The following DPP10 variants were observed in gnomAD, a reference collection of about 807,000 sequenced individuals.
The protein encoded by DPP10 is dipeptidyl peptidase like 10, also known as inactive dipeptidyl peptidase 10.
Under a neutral mutation model 120.9 loss-of-function variants are expected in DPP10, and 33 were observed. The ratio of observed to expected loss-of-function variants is 0.27; its 90% CI spans 0.21 to 0.37. The LOEUF (loss-of-function observed/expected upper bound fraction) is 0.37. Ranked by LOEUF, DPP10 falls within the 10% of genes least tolerant of loss-of-function variation. The probability of loss-of-function intolerance (pLI) is 1.00; values close to 1 mark genes in which losing one functional copy is unlikely to be tolerated. For synonymous variants in DPP10, 337 were observed against 326.1 expected (o/e 1.03, Z -0.36); for missense variants, 816 against 942.8 (o/e 0.87, Z 1.76).
chr2:115,690,677 G>A (rs991351184), intron 7 of DPP10, among the ~76,000 whole-genome samples: 1 of 152,084 alleles, frequency 6.6e-6, no homozygotes, highest in Non-Finnish European at 1.5e-5. Context: ...CCTACCCAAA[G>A]TGATGGGATT....
intron 1 of DPP10, among the ~76,000 whole-genome samples, chr2:114,809,774 G>T (rs1685030588): frequency 1.3e-5 from 2 of 152,090 alleles, no homozygotes; most frequent in South Asian, 4.1e-4. Context: ...TCTATTCAAT[G>T]GATCTGCAGC....
At chr2:115,035,457 C>G (rs1255836568) in intron 1 of DPP10, among the ~76,000 whole-genome samples, 1 of 152,138 alleles carries the variant, frequency 6.6e-6, no homozygotes, top group East Asian at 1.9e-4. Context: ...TCCAACGTAT[C>G]TTGAAGGAGG....
chr2:115,254,907 C>G (rs1311496277), intron 1 of DPP10, among the ~76,000 whole-genome samples: 2 of 152,192 alleles, frequency 1.3e-5, no homozygotes, highest in South Asian at 4.1e-4. Flanking sequence ...CGGCTGCTTT[C>G]ATGGGCTGGC....
intron 1 of DPP10, among the ~76,000 whole-genome samples, chr2:114,571,410 G>T (rs1689635036): frequency 6.6e-6 from 1 of 152,126 alleles, no homozygotes; most frequent in Non-Finnish European, 1.5e-5. Context: ...CCAAGCAGAT[G>T]CTGTCATGCT....
At position 115,323,426 on chromosome 2, in the gene DPP10, A is replaced by C. The variant is rs568837209; in HGVS notation, c.175+14073A>C. ...CCTGCACTGAAGTCTTGAACCTCTCAAAGTTATCAGTACTGATTGGAATCA... is the reference window on the plus strand; with the variant it reads ...CCTGCACTGAAGTCTTGAACCTCTCCAAGTTATCAGTACTGATTGGAATCA... On this transcript the variant is annotated intron_variant, in intron 2 of 25. Transcript: ENST00000410059. Among the ~76,000 whole-genome samples, 4 of 152,314 alleles carry C rather than the reference A, an allele frequency of 2.6e-5. No homozygotes were observed. The East Asian group carries it at 5.8e-4, about 22-fold the overall frequency.
chr2:115,623,961 A>T (rs1374359956), intron 5 of DPP10, among the ~76,000 whole-genome samples: 1 of 150,102 alleles, frequency 6.7e-6, no homozygotes, highest in Middle Eastern at 3.2e-3. Context: ...TCATTTACTC[A>T]ACATCTTTCT....
At chr2:115,338,914 A>C (rs2063303662) in intron 2 of DPP10, among the ~76,000 whole-genome samples, 1 of 152,202 alleles carries the variant, frequency 6.6e-6, no homozygotes, top group African/African-American at 2.4e-5. Flanking sequence ...TAGACTTGAC[A>C]GCAAAAGCAC....
At chr2:114,548,568 C>G (rs981379800) in intron 1 of DPP10, among the ~76,000 whole-genome samples, 1 of 152,152 alleles carries the variant, frequency 6.6e-6, no homozygotes, top group Non-Finnish European at 1.5e-5. Context: ...CTTTTATGAG[C>G]GAGTCTTTTC....
At chr2:115,706,534 A>C (rs1391938425) in intron 7 of DPP10, among the ~76,000 whole-genome samples, 1 of 151,978 alleles carries the variant, frequency 6.6e-6, no homozygotes, top group East Asian at 1.9e-4. Context: ...AAACTATTTG[A>C]ATGAAAGAGC....
Position 115,290,595 on chromosome 2 carries a change from T to G in DPP10, c.61-18644T>G, listed in dbSNP as rs1270886824. Among the ~76,000 whole-genome samples, 5 of 152,166 alleles carry G rather than the reference T, an allele frequency of 3.3e-5. No homozygotes were observed. In the East Asian group the frequency reaches 7.7e-4, roughly 24 times the overall value. On this transcript the variant is annotated intron_variant, in intron 1 of 25. Coordinates refer to ENST00000410059, the MANE Select transcript of DPP10 (RefSeq NM_020868.6). ...AGGTGAGAAAATTCTTAATGCCTATTCAGGTAATACTAGCTGAAAAATTGA... is the reference window on the plus strand; with the variant it reads ...AGGTGAGAAAATTCTTAATGCCTATGCAGGTAATACTAGCTGAAAAATTGA...
chr2:114,484,031 A>G (rs1681289547), intron 1 of DPP10, among the ~76,000 whole-genome samples: 1 of 152,072 alleles, frequency 6.6e-6, no homozygotes. Context: ...TCACTCTGAG[A>G]CTGGACCTTA....
intron 3 of DPP10, among the ~76,000 whole-genome samples, chr2:115,472,675 T>C (rs2074808645): frequency 6.6e-6 from 1 of 152,194 alleles, no homozygotes; most frequent in African/African-American, 2.4e-5. Context: ...CCCATTCTAC[T>C]GTGTGCATCT....
intron 1 of DPP10, among the ~76,000 whole-genome samples, chr2:114,755,085 A>G (rs1374676958): frequency 6.6e-6 from 1 of 152,238 alleles, no homozygotes; most frequent in East Asian, 1.9e-4. Context: ...TCTTATGACT[A>G]ATAGCTAGTT....
chr2:115,187,431 T>A (rs2054545491), intron 1 of DPP10, among the ~76,000 whole-genome samples: 1 of 152,184 alleles, frequency 6.6e-6, no homozygotes, highest in Admixed American at 6.5e-5. Context: ...TTTATGGACA[T>A]TTTTCATACA....
chr2:115,746,306 T>C (rs1677965245), intron 10 of DPP10, 123 bp downstream of exon 10: 1 of 866,574 alleles, frequency 1.2e-6, no homozygotes, highest in South Asian at 1.5e-5. Flanking sequence ...AAGCTGAAGT[T>C]GCCTACATTA....
chr2:114,753,425 A>G (rs1679419939), intron 1 of DPP10, among the ~76,000 whole-genome samples: 2 of 152,160 alleles, frequency 1.3e-5, no homozygotes, highest in African/African-American at 4.8e-5. Context: ...GGGATAATGT[A>G]AGTCTTATCT....
At chr2:115,140,926 G>GAAAAA (rs372992316) in intron 1 of DPP10, among the ~76,000 whole-genome samples, 1 of 137,674 alleles carries the variant, frequency 7.3e-6, no homozygotes, top group Non-Finnish European at 1.5e-5. Flanking sequence ...TGCTTATCTT[G>GAAAAA]AAAAAAAAAA....
At chr2:115,514,962 ATG>A (rs1050093697) in intron 4 of DPP10, among the ~76,000 whole-genome samples, 1 of 151,838 alleles carries the variant, frequency 6.6e-6, no homozygotes, top group African/African-American at 2.4e-5. Flanking sequence ...ATACATTTAT[ATG>A]TGTGTGTATG....
chr2:114,559,117 C>G (rs2104929362), intron 1 of DPP10, among the ~76,000 whole-genome samples: 1 of 152,256 alleles, frequency 6.6e-6, no homozygotes, highest in Admixed American at 6.5e-5. Flanking sequence ...AGAATAATGC[C>G]CCTTCCTCAT....
Sources: gnomAD v4.1 joint callset for allele counts (sites outside exome capture counted in the v4.1 genomes callset) on GRCh38, gnomAD v4.1.1 for gene constraint, MANE v1.5 for transcripts, NCBI Gene and HGNC (gene_info 2026-07-23, HGNC 2026-07-21) for gene names.